Variants in SLC25A32 observed in about 807,000 individuals in gnomAD.
SLC25A32 encodes the protein Glycine auxotroph B, complementation of hamster.
A neutral mutation model predicts 39.0 loss-of-function variants in SLC25A32; 32 were observed. The ratio of observed to expected loss-of-function variants is 0.82; its 90% confidence interval spans 0.62 to 1.10. The LOEUF (loss-of-function observed/expected upper bound fraction) is 1.10, where lower values mean the gene tolerates loss of function less well. SLC25A32 is among the 50% of genes least tolerant of loss of function. SLC25A32 has a pLI of 0.00. For synonymous variants in SLC25A32, 166 were observed against 152.4 expected (o/e 1.09, Z -0.66); for missense variants, 367 against 395.3 (o/e 0.93, Z 0.61).
In SLC25A32 at chr8:103,404,823, G is replaced by C; in HGVS notation, c.344C>G (p.Ala115Gly). 1 of 1,613,144 alleles carries C rather than the reference G, an allele frequency of 6.2e-7. No homozygotes were observed. The highest frequency in any genetic ancestry group is 8.5e-7 in the Non-Finnish European group (1 of 1,179,350). ...AIKSYKTEGR[A>G]ERLEATEYLV... is the part of the protein sequence containing the mutation. ...GTATTCTGTTGCCTCTAAACGTTCA[G>C]CTCTTCCTTCTGTTTTATATGACTT... The change falls in exon 3 of 7, where the codon GCT becomes GGT. Residue 115 changes from alanine (A) to glycine (G), a missense_variant. Physicochemically the swap from Ala to Gly is moderately conservative, Grantham distance 60. Coordinates refer to ENST00000297578, the MANE Select transcript of SLC25A32 (RefSeq NM_030780.5).
chr8:103,405,766 T>C (rs562830405), intron 2 of SLC25A32, among the ~76,000 whole-genome samples: 1 of 152,122 alleles, frequency 6.6e-6, no homozygotes, highest in African/African-American at 2.4e-5. Flanking sequence ...GCTCAAGCAA[T>C]CCTCCTGCCT....
intron 3 of SLC25A32, among the ~76,000 whole-genome samples, 175 bp from the exon 4 acceptor site, chr8:103,403,499 G>A (rs1269845721): frequency 6.6e-6 from 1 of 151,852 alleles, no homozygotes; most frequent in Non-Finnish European, 1.5e-5. Flanking sequence ...GGGTCAAAAG[G>A]TAGACATTGT....
At position 103,401,603 on chromosome 8, in the gene SLC25A32, G is replaced by C. The variant is rs780598021; in HGVS notation, c.725C>G (p.Thr242Arg). 1.2e-6 allele frequency: 2 copies of C among 1,613,552 alleles called. No individual in the cohort carries two copies. The highest frequency in any genetic ancestry group is 1.7e-6 in the Non-Finnish European group (2 of 1,179,636). Residue 242 changes from threonine (T) to arginine (R), a missense_variant, in exon 6 of 7, where the codon ACA becomes AGA. Transcript: ENST00000297578. Reference protein sequence around the residue: ...ALSKIFAVAATYPYQVVRARL... With the variant: ...ALSKIFAVAARYPYQVVRARL... Reference sequence around the variant, plus strand: ...AGCTCTTACGACTTGATATGGGTATGTTGCTGCGACAGCAAATATTTTGGA... The same window carrying C: ...AGCTCTTACGACTTGATATGGGTATCTTGCTGCGACAGCAAATATTTTGGA...
At chr8:103,404,552 G>A (rs967749928) in intron 3 of SLC25A32, among the ~76,000 whole-genome samples, 1 of 151,384 alleles carries the variant, frequency 6.6e-6, no homozygotes, top group Non-Finnish European at 1.5e-5. Flanking sequence ...CCGAGATAGC[G>A]CCACCGCACT....
chr8:103,407,442 A>T (rs1363196863), intron 2 of SLC25A32, among the ~76,000 whole-genome samples, 192 bp downstream of exon 2: 1 of 151,936 alleles, frequency 6.6e-6, no homozygotes. Flanking sequence ...GGCATCTGAT[A>T]ATCAAACTAA....
At position 103,401,445 on chromosome 8, in the gene SLC25A32, T is replaced by C. The variant is rs1586110042; in HGVS notation, c.812+71A>G. On this transcript the variant is annotated intron_variant, in intron 6 of 6. Transcript: ENST00000297578. ...AAACTGGCCTTTGCTATAAAACTAGTATCAACAGGATGGTCTAAGATATGC... is the reference window on the plus strand; with the variant it reads ...AAACTGGCCTTTGCTATAAAACTAGCATCAACAGGATGGTCTAAGATATGC... 2.1e-6 allele frequency: 3 copies of C among 1,414,342 alleles called. No homozygotes were observed. The East Asian group carries it at 7.3e-5, about 34-fold the overall frequency. 87.6% of individuals were successfully genotyped at this position (1,414,342 alleles called of 1,614,324 possible).
At chr8:103,402,495 G>A (rs955639638) in intron 4 of SLC25A32, 1 of 152,148 alleles carries the variant, frequency 6.6e-6, no homozygotes, top group African/African-American at 2.4e-5. Context: ...AATCATATCA[G>A]CCTTAAAATG....
At chr8:103,414,729 T>C (rs938585948) in intron 1 of SLC25A32, 55 bp downstream of exon 1, 23 of 1,607,834 alleles carry the variant, frequency 1.4e-5, no homozygotes, top group Non-Finnish European at 2.0e-5. Context: ...ACGGAGGAGA[T>C]CCAGTTCGGG....
chr8:103,404,651 G>T, intron 3 of SLC25A32, 125 bp downstream of exon 3: 2 of 560,606 alleles, frequency 3.6e-6, no homozygotes, highest in Non-Finnish European at 6.1e-6. Context: ...GAAATTCCAT[G>T]TAACTGATTT....
intron 1 of SLC25A32, 49 bp downstream of exon 1, chr8:103,414,735 T>G: frequency 6.2e-7 from 1 of 1,609,572 alleles, no homozygotes. Context: ...GAGATCCAGT[T>G]CGGGCTGACA....
chr8:103,407,636 G>T lies in SLC25A32; in HGVS notation c.303C>A (p.Phe101Leu). The change falls in exon 2 of 7, where the codon TTC (phenylalanine) becomes TTA (leucine). Residue 101 changes from phenylalanine (F) to leucine (L), a missense_variant and splice_region_variant. By Grantham distance (22) the Phe-to-Leu change is conservative. Coordinates refer to ENST00000297578, the MANE Select transcript of SLC25A32 (RefSeq NM_030780.5). ...TAAAATCTCCCAAATCTACTCACAA[G>T]AAAAAGTAGAGTCCCCAGGATAAAC... Reference protein sequence around the residue: ...GAGLSWGLYFFFYNAIKSYKT... With the variant: ...GAGLSWGLYFLFYNAIKSYKT... 6.5e-7 allele frequency: 1 copy of T among 1,550,218 alleles called. No individual in the cohort carries two copies. The highest frequency in any genetic ancestry group is 1.2e-5 in the South Asian group (1 of 80,464).
At chr8:103,409,138 T>C (rs1281194462) in intron 1 of SLC25A32, among the ~76,000 whole-genome samples, 1 of 152,204 alleles carries the variant, frequency 6.6e-6, no homozygotes, top group Non-Finnish European at 1.5e-5. Context: ...GTATCAATTA[T>C]TTACTGCTTT....
intron 1 of SLC25A32, among the ~76,000 whole-genome samples, chr8:103,411,869 G>C (rs1460610224): frequency 6.6e-6 from 1 of 152,072 alleles, no homozygotes; most frequent in Non-Finnish European, 1.5e-5. Flanking sequence ...TAACTTTCTG[G>C]AATCATTCTT....
intron 2 of SLC25A32, among the ~76,000 whole-genome samples, chr8:103,405,665 T>C (rs1816314707): frequency 6.6e-6 from 1 of 152,104 alleles, no homozygotes; most frequent in Non-Finnish European, 1.5e-5. Context: ...TTCTTTCTTT[T>C]TTTTTTTATT....
chr8:103,401,846 T>C, intron 5 of SLC25A32, 95 bp downstream of exon 5: 1 of 1,048,430 alleles, frequency 9.5e-7, no homozygotes, highest in East Asian at 2.6e-5. Context: ...GTACTCATCA[T>C]CATAGCACTA....
At chr8:103,414,674 A>G (rs1260866428) in intron 1 of SLC25A32, 110 bp downstream of exon 1, 11 of 1,441,186 alleles carry the variant, frequency 7.6e-6, no homozygotes, top group Non-Finnish European at 9.3e-6. Flanking sequence ...CAACGCGGAC[A>G]GCAACGCTCC....
At chr8:103,404,520 C>T (rs1019504957) in intron 3 of SLC25A32, among the ~76,000 whole-genome samples, 3 of 151,870 alleles carry the variant, frequency 2.0e-5, no homozygotes, top group Non-Finnish European at 4.4e-5. Context: ...GCTTGAAACC[C>T]GAAGGCAGAG....
At chr8:103,407,212 T>G (rs1015878789) in intron 2 of SLC25A32, among the ~76,000 whole-genome samples, 1 of 152,200 alleles carries the variant, frequency 6.6e-6, no homozygotes, top group African/African-American at 2.4e-5. Flanking sequence ...AGTTGGCTGT[T>G]TTTCAAATGG....
At chr8:103,414,691 C>A in intron 1 of SLC25A32, 93 bp downstream of exon 1, 2 of 1,550,110 alleles carry the variant, frequency 1.3e-6, no homozygotes, top group Non-Finnish European at 1.8e-6. Context: ...CTCCCTTCAA[C>A]GCTCCTCCTC....
Sources: gnomAD v4.1 joint callset for allele counts (sites outside exome capture counted in the v4.1 genomes callset) on GRCh38, gnomAD v4.1.1 for gene constraint, MANE v1.5 for transcripts, NCBI Gene and HGNC (gene_info 2026-07-23, HGNC 2026-07-21) for gene names.